Variants in TP63 observed in about 807,000 individuals in gnomAD.
TP63 encodes the protein tumor protein p63.
A neutral mutation model predicts 82.8 loss-of-function variants in TP63; 17 were observed. The observed-to-expected ratio is 0.21, with a 90% CI of 0.14 to 0.31. The LOEUF (loss-of-function observed/expected upper bound fraction) is 0.31. Among genes scored for constraint, TP63 ranks in the 10% least tolerant of loss-of-function variants. The pLI is 1.00. For synonymous variants in TP63, 330 were observed against 321.7 expected, an observed-to-expected ratio of 1.03 and a Z score of -0.28; for missense variants, 648 against 895.3, an observed-to-expected ratio of 0.72 and a Z score of 3.52.
intron 3 of TP63, among the ~76,000 whole-genome samples, chr3:189,767,848 G>A (rs184653375): frequency 1.2e-3 from 186 of 152,228 alleles, no homozygotes; most frequent in Non-Finnish European, 2.2e-3. Flanking sequence ...TTGGACCCTG[G>A]ATTGTAGTCA....
intron 4 of TP63, among the ~76,000 whole-genome samples, chr3:189,815,541 A>G (rs1159592026): frequency 6.6e-6 from 1 of 152,168 alleles, no homozygotes; most frequent in Non-Finnish European, 1.5e-5. Flanking sequence ...TAACTCTTAA[A>G]TATTAATTTT....
chr3:189,869,548 T>A, intron 9 of TP63, 142 bp downstream of exon 9: 1 of 716,964 alleles, frequency 1.4e-6, no homozygotes, highest in Non-Finnish European at 2.4e-6. Context: ...CAAACTACCG[T>A]AGACTAGATG....
At chr3:189,630,009 A>G (rs1729403564), upstream of TP63, among the ~76,000 whole-genome samples, 1 of 152,194 alleles carries the variant, frequency 6.6e-6, no homozygotes, top group South Asian at 2.1e-4. Context: ...GAATTTCACA[A>G]TTCACAGATG....
intron 3 of TP63, among the ~76,000 whole-genome samples, chr3:189,802,608 C>T (rs1045167403): frequency 6.6e-6 from 1 of 152,112 alleles, no homozygotes; most frequent in Non-Finnish European, 1.5e-5. Context: ...AGCTACCTTG[C>T]CCAGAGGTAC....
chr3:189,884,776 TACATTAATTG>T (rs1437664247), intron 10 of TP63, among the ~76,000 whole-genome samples: 1 of 152,250 alleles, frequency 6.6e-6, no homozygotes, highest in Non-Finnish European at 1.5e-5. Context: ...ATTGTTAATT[TACATTAATTG>T]ACATGATAAT....
chr3:189,866,749 T>C lies in TP63; in HGVS notation c.834T>C (p.Asp278=), dbSNP rs763444956. The C allele has an allele frequency of 1.2e-6, 2 of 1,614,006 alleles. No homozygotes were observed. Among genetic ancestry groups the C allele is most frequent in the South Asian group, 2.2e-5 (2 of 91,066 alleles). Residue 278 remains aspartate, a synonymous_variant, in exon 6 of 14, where the codon GAT becomes GAC. Coordinates refer to ENST00000264731, the MANE Select transcript of TP63 (RefSeq NM_003722.5). ...ACAGCCATGCCCAGTATGTAGAAGATCCCATCACAGGAAGACAGAGTGTGC... is the reference window on the plus strand; with the variant it reads ...ACAGCCATGCCCAGTATGTAGAAGACCCCATCACAGGAAGACAGAGTGTGC... The part of the protein sequence containing the change: ...EGNSHAQYVE[D]PITGRQSVLV...
chr3:189,765,723 G>A (rs1423733662), intron 3 of TP63, among the ~76,000 whole-genome samples: 1 of 151,996 alleles, frequency 6.6e-6, no homozygotes, highest in East Asian at 1.9e-4. Context: ...GTGAGCCACC[G>A]CGCCCGGCCT....
Position 189,720,130 on chromosome 3 carries a change from C to T in TP63, c.63-17610C>T, listed in dbSNP as rs182606885. Among the ~76,000 whole-genome samples the T allele has an allele frequency of 1.0e-3, 158 of 152,174 alleles. 2 individuals are homozygous for T. Among genetic ancestry groups the T allele is most frequent in the Middle Eastern group, 3.4e-3 (1 of 294 alleles). On this transcript the variant is annotated intron_variant, in intron 1 of 13. Coordinates refer to ENST00000264731, the MANE Select transcript of TP63 (RefSeq NM_003722.5). ...GCCCACAAGGTTTTCATTTTTTCCA[C>T]GCCACCTCTGTCTCAGAGCTCTTTG...
intron 1 of TP63, among the ~76,000 whole-genome samples, chr3:189,734,918 C>T (rs1720464356): frequency 6.6e-6 from 1 of 151,770 alleles, no homozygotes; most frequent in Non-Finnish European, 1.5e-5. Flanking sequence ...GCTCCTTCCT[C>T]TTTAGGCATA....
At chr3:189,819,747 CTTTTT>C (rs367763002) in intron 4 of TP63, among the ~76,000 whole-genome samples, 99 of 89,820 alleles carry the variant, frequency 1.1e-3, no homozygotes, top group African/African-American at 3.3e-3. Flanking sequence ...TATATTTTAC[CTTTTT>C]TTTTTTTTTT....
At chr3:189,663,014 A>AT (rs34269769) in intron 1 of TP63, among the ~76,000 whole-genome samples, 66,141 of 151,140 alleles carry the variant, frequency 0.44, 15,841 homozygotes, top group Middle Eastern at 0.69. Flanking sequence ...AGTGCTCTGA[A>AT]TTTTTTTTTG....
chr3:189,881,237 G>A lies in TP63; in HGVS notation c.1350-5157G>A, dbSNP rs901436942. 20 of 985,296 alleles carry A rather than the reference G, an allele frequency of 2.0e-5. No homozygotes were observed. In the African/African-American group the frequency reaches 2.1e-4, roughly 10 times the overall value. 61.0% of individuals were successfully genotyped at this position (985,296 alleles called of 1,614,324 possible). A position where few individuals can be genotyped will look rare whatever the true frequency, so the allele number is the denominator to read the frequency against. On this transcript the variant is annotated intron_variant, in intron 10 of 13. Transcript: ENST00000264731. ...GTGTTAAAATCAGCACTCCTGGACT[G>A]GAAATTAAAGATTGAAAGGGTAGAC...
At chr3:189,765,143 AT>A (rs1210423927) in intron 3 of TP63, among the ~76,000 whole-genome samples, 1 of 152,082 alleles carries the variant, frequency 6.6e-6, no homozygotes, top group Non-Finnish European at 1.5e-5. Flanking sequence ...TAACCAAGAT[AT>A]TTTATTCACT....
chr3:189,601,846 G>C, the TP63 span, among the ~76,000 whole-genome samples: 1 of 152,178 alleles, frequency 6.6e-6, no homozygotes, highest in Non-Finnish European at 1.5e-5. Flanking sequence ...TACCAACGTA[G>C]CCAACTTCCA....
Position 189,883,893 on chromosome 3 carries a change from G to A in TP63, c.1350-2501G>A, listed in dbSNP as rs184527647. ...TAACCATAAGCTAAAGAAAGCAGGA[G>A]GTTGTAACAGGAATTGTAAGAAGGA... is the stretch of plus-strand genomic sequence containing the variant. On this transcript the variant is annotated intron_variant, in intron 10 of 13. Transcript: ENST00000264731. Among the ~76,000 whole-genome samples the A allele has an allele frequency of 3.4e-4, 52 of 151,992 alleles. 1 individual carries two copies. Among genetic ancestry groups the A allele is most frequent in the African/African-American group, 1.2e-3 (48 of 41,464 alleles).
At chr3:189,870,327 A>T (rs1004608120) in intron 9 of TP63, among the ~76,000 whole-genome samples, 1 of 152,182 alleles carries the variant, frequency 6.6e-6, no homozygotes, top group Admixed American at 6.5e-5. Context: ...AAAAACAATA[A>T]AAAAATACAC....
At chr3:189,695,628 A>G (rs191228198) in intron 1 of TP63, among the ~76,000 whole-genome samples, 7 of 152,318 alleles carry the variant, frequency 4.6e-5, no homozygotes, top group East Asian at 1.9e-4. Flanking sequence ...AAATATTTCT[A>G]TGTGGAACTA....
At chr3:189,616,344 C>T in the TP63 span, among the ~76,000 whole-genome samples, 38 of 152,318 alleles carry the variant, frequency 2.5e-4, no homozygotes, top group South Asian at 7.7e-3. Flanking sequence ...TCCTTGAACC[C>T]TCTCCACAAC....
chr3:189,632,521 T>C (rs1185957038), intron 1 of TP63, among the ~76,000 whole-genome samples: 1 of 152,256 alleles, frequency 6.6e-6, no homozygotes, highest in East Asian at 1.9e-4. Context: ...AGAACACTAA[T>C]GTGAGCTATG....
Sources: allele counts gnomAD v4.1 joint callset (sites outside exome capture counted in the v4.1 genomes callset), GRCh38; gene constraint gnomAD v4.1.1; transcripts MANE v1.5; gene names NCBI Gene and HGNC (gene_info 2026-07-23, HGNC 2026-07-21).